VWC2L: variants seen among roughly 807,000 people sequenced by gnomAD.
VWC2L encodes the protein von Willebrand factor C domain-containing protein 2-like.
A neutral mutation model predicts 21.6 loss-of-function variants in VWC2L; 10 were observed. The observed-to-expected ratio is 0.46, with a 90% CI of 0.29 to 0.78. The LOEUF (loss-of-function observed/expected upper bound fraction) is 0.78, where lower values mean the gene tolerates loss of function less well. Among genes scored for constraint, VWC2L ranks in the 30% least tolerant of loss-of-function variants. VWC2L has a pLI of 0.10. For synonymous variants in VWC2L, 96 were observed against 94.3 expected (o/e 1.02, Z -0.10); for missense variants, 209 against 277.1 (o/e 0.75, Z 1.74).
At chr2:214,416,322 TTAA>T (rs1420529214) in intron 2 of VWC2L, among the ~76,000 whole-genome samples, 1 of 152,030 alleles carries the variant, frequency 6.6e-6, no homozygotes, top group South Asian at 2.1e-4. Flanking sequence ...AAAGAAAAAG[TTAA>T]TAATTTCTGT....
In VWC2L at chr2:214,576,596, A is replaced by C. The variant is rs1690233768; in HGVS notation, c.*776A>C. ...AGAATCCAAAGAGAGACAGATCTTT[A>C]AAATTGTAGCATTAATCATCAGACT... On this transcript the variant is annotated 3_prime_UTR_variant, in exon 4 of 4. Coordinates refer to ENST00000312504, the MANE Select transcript of VWC2L (RefSeq NM_001080500.4). The C allele has an allele frequency of 6.6e-6, 1 of 152,226 alleles. No homozygotes were observed. The highest frequency in any genetic ancestry group is 6.5e-5 in the Admixed American group (1 of 15,284). 9.4% of individuals were successfully genotyped at this position (152,226 alleles called of 1,614,324 possible). A position where few individuals can be genotyped will look rare whatever the true frequency, so the allele number is the denominator to read the frequency against.
intron 3 of VWC2L, among the ~76,000 whole-genome samples, chr2:214,496,356 C>G (rs905915812): frequency 2.0e-5 from 3 of 150,396 alleles, no homozygotes; most frequent in Admixed American, 6.7e-5. Flanking sequence ...TATGAAACAT[C>G]TTCCTCTCCA....
intron 3 of VWC2L, among the ~76,000 whole-genome samples, chr2:214,499,672 A>T (rs1688864515): frequency 6.6e-6 from 1 of 152,200 alleles, no homozygotes; most frequent in Admixed American, 6.5e-5. Context: ...TTAAAAAAAG[A>T]AGTTTAACAG....
At chr2:214,428,871 T>C (rs1340978675) in intron 2 of VWC2L, among the ~76,000 whole-genome samples, 1 of 145,116 alleles carries the variant, frequency 6.9e-6, no homozygotes, top group Admixed American at 6.9e-5. Flanking sequence ...GCACTTCTAA[T>C]ACAAATGGGT....
At chr2:214,437,747 A>G (rs996372664) in intron 3 of VWC2L, among the ~76,000 whole-genome samples, 9 of 152,154 alleles carry the variant, frequency 5.9e-5, no homozygotes, top group Non-Finnish European at 1.3e-4. Flanking sequence ...TAGTAAAAAT[A>G]AGCATAAAGA....
intron 3 of VWC2L, among the ~76,000 whole-genome samples, chr2:214,439,510 C>T (rs1023186705): frequency 2.0e-5 from 3 of 151,946 alleles, no homozygotes; most frequent in East Asian, 3.9e-4. Flanking sequence ...ACAGTCATAA[C>T]ATTTTCTACA....
At chr2:214,478,962 T>C (rs1688564119) in intron 3 of VWC2L, among the ~76,000 whole-genome samples, 1 of 152,176 alleles carries the variant, frequency 6.6e-6, no homozygotes, top group Admixed American at 6.5e-5. Flanking sequence ...GGCTTGGGAT[T>C]AGGAACTCAT....
intron 3 of VWC2L, among the ~76,000 whole-genome samples, chr2:214,560,074 A>T (rs1255999649): frequency 6.6e-6 from 1 of 152,194 alleles, no homozygotes; most frequent in Non-Finnish European, 1.5e-5. Flanking sequence ...TAGCCTCATT[A>T]TACATTTTGT....
Position 214,576,258 on chromosome 2 carries a change from C to T in VWC2L, c.*438C>T, listed in dbSNP as rs1690227377. 1 of 152,042 alleles carries T rather than the reference C, an allele frequency of 6.6e-6. No individual in the cohort carries two copies. The highest frequency in any genetic ancestry group is 2.1e-4 in the South Asian group (1 of 4,818). 9.4% of individuals were successfully genotyped at this position (152,042 alleles called of 1,614,324 possible). On this transcript the variant is annotated 3_prime_UTR_variant, in exon 4 of 4. Coordinates refer to ENST00000312504, the MANE Select transcript of VWC2L (RefSeq NM_001080500.4). ...TTAGAGTCTAAGGGGCTAAATTTGA[C>T]TGCACAGTAAAGTTTTGAGTTGTGT...
intron 3 of VWC2L, among the ~76,000 whole-genome samples, chr2:214,502,534 C>A (rs1334154299): frequency 6.6e-6 from 1 of 152,152 alleles, no homozygotes; most frequent in East Asian, 1.9e-4. Flanking sequence ...CGTGCCACTG[C>A]ACTCCAGCCT....
intron 3 of VWC2L, among the ~76,000 whole-genome samples, chr2:214,573,404 C>T (rs1027356190): frequency 4.6e-5 from 7 of 152,084 alleles, no homozygotes; most frequent in African/African-American, 1.7e-4. Context: ...ATTTTATTTT[C>T]CCATGTGGAA....
chr2:214,491,916 T>C (rs1688750339), intron 3 of VWC2L, among the ~76,000 whole-genome samples: 4 of 152,214 alleles, frequency 2.6e-5, no homozygotes, highest in Admixed American at 2.6e-4. Flanking sequence ...CCAGCTTCAC[T>C]TTCTGGTTGC....
intron 3 of VWC2L, among the ~76,000 whole-genome samples, chr2:214,568,412 T>A (rs969548418): frequency 2.6e-5 from 4 of 152,168 alleles, no homozygotes; most frequent in African/African-American, 9.6e-5. Context: ...ATTTATATTA[T>A]TATGTATTAG....
chr2:214,490,536 G>T (rs1688731810), intron 3 of VWC2L, among the ~76,000 whole-genome samples: 1 of 152,068 alleles, frequency 6.6e-6, no homozygotes, highest in Non-Finnish European at 1.5e-5. Flanking sequence ...GCTGGAAGAA[G>T]GAGAAGGACT....
chr2:214,461,114 C>A (rs968814755), intron 3 of VWC2L, among the ~76,000 whole-genome samples: 5 of 152,164 alleles, frequency 3.3e-5, no homozygotes, highest in Admixed American at 1.3e-4. Context: ...AATGGGGATG[C>A]CAGATGGGCC....
intron 3 of VWC2L, among the ~76,000 whole-genome samples, chr2:214,465,415 T>G (rs886511797): frequency 6.6e-6 from 1 of 152,148 alleles, no homozygotes; most frequent in Admixed American, 6.5e-5. Flanking sequence ...TCAGGGTGTG[T>G]CTAGAAATGT....
intron 3 of VWC2L, among the ~76,000 whole-genome samples, chr2:214,445,359 G>A (rs1702823038): frequency 6.6e-6 from 1 of 151,630 alleles, no homozygotes; most frequent in Admixed American, 6.6e-5. Flanking sequence ...AGAATAAAGT[G>A]ACTGGTTAAA....
At chr2:214,573,611 C>G (rs995124125) in intron 3 of VWC2L, among the ~76,000 whole-genome samples, 1 of 152,132 alleles carries the variant, frequency 6.6e-6, no homozygotes, top group African/African-American at 2.4e-5. Context: ...CTGTCAACAA[C>G]GGCCCCAGGA....
At chr2:214,475,480 A>G (rs1688503131) in intron 3 of VWC2L, among the ~76,000 whole-genome samples, 1 of 152,172 alleles carries the variant, frequency 6.6e-6, no homozygotes, top group South Asian at 2.1e-4. Context: ...GGAAAGAAAC[A>G]TAGGCACTGA....
Sources: allele counts gnomAD v4.1 joint callset (sites outside exome capture counted in the v4.1 genomes callset), GRCh38; gene constraint gnomAD v4.1.1; transcripts MANE v1.5; gene names NCBI Gene and HGNC (gene_info 2026-07-23, HGNC 2026-07-21).